Variants in RELN observed in about 807,000 individuals in gnomAD.
RELN encodes the protein reelin.
RELN carries 108 observed loss-of-function variants against 427.6 expected under a neutral mutation model. That is an observed-to-expected ratio of 0.25 (90% CI 0.22 to 0.30). The LOEUF (loss-of-function observed/expected upper bound fraction) is 0.30. Among genes scored for constraint, RELN ranks in the 10% least tolerant of loss-of-function variants. RELN has a pLI of 1.00. For synonymous variants in RELN, 1,524 were observed against 1,513.4 expected, an observed-to-expected ratio of 1.01 and a Z score of -0.16; for missense variants, 3,715 against 4,302.8, an observed-to-expected ratio of 0.86 and a Z score of 3.82.
chr7:103,584,198 A>T (rs2117227003), intron 28 of RELN, among the ~76,000 whole-genome samples: 1 of 152,350 alleles, frequency 6.6e-6, no homozygotes, highest in East Asian at 1.9e-4. Context: ...AACAAAAGGC[A>T]CAGAATTTCA....
In RELN at chr7:103,603,358, T is replaced by G. The variant is rs373092804; in HGVS notation, c.3279A>C (p.Lys1093Asn). 7 of 1,613,704 alleles carry G rather than the reference T, an allele frequency of 4.3e-6. No homozygotes were observed. Among genetic ancestry groups the G allele is most frequent in the Non-Finnish European group, 5.9e-6 (7 of 1,179,830 alleles). ...WQEVIGGEIVKPEQGCGVISS... is the reference protein window; with the variant it reads ...WQEVIGGEIVNPEQGCGVISS... Reference sequence around the variant, plus strand: ...AGATGACACCACACCCTTGTTCTGGTTTTACAATTTCTCCCCCAATAACTT... The same window carrying G: ...AGATGACACCACACCCTTGTTCTGGGTTTACAATTTCTCCCCCAATAACTT... The change falls in exon 24 of 65, where the codon AAA becomes AAC. Residue 1093 changes from lysine to asparagine, a missense_variant. By Grantham distance (94) the Lys-to-Asn change is moderately conservative. Transcript: ENST00000428762. This position sits in a 1 kb window ranked among gnomAD's most constrained non-coding sequence, Gnocchi z 4.3.
intron 36 of RELN, among the ~76,000 whole-genome samples, chr7:103,558,615 T>C (rs1167913854): frequency 6.6e-6 from 1 of 152,232 alleles, no homozygotes; most frequent in Non-Finnish European, 1.5e-5. Context: ...TAGGCATTCA[T>C]GCAGAGAAGT....
chr7:103,552,951 G>C lies in RELN; in HGVS notation c.6072+510C>G, dbSNP rs563446876. On this transcript the variant is annotated intron_variant, in intron 40 of 64. Coordinates refer to ENST00000428762, the MANE Select transcript of RELN (RefSeq NM_005045.4). Reference sequence around the variant, plus strand: ...TTTTGAAATATATAAATATTTTTATGTTAATTATTAATTTGCTCTCTTGAC... The same window carrying C: ...TTTTGAAATATATAAATATTTTTATCTTAATTATTAATTTGCTCTCTTGAC... 4.9e-4 allele frequency among the ~76,000 whole-genome samples: 74 copies of C among 152,082 alleles called. 1 individual carries two copies. The highest frequency in any genetic ancestry group is 1.8e-3 in the African/African-American group (73 of 41,500).
intron 2 of RELN, among the ~76,000 whole-genome samples, chr7:103,878,228 A>G (rs558620218): frequency 7.2e-5 from 11 of 152,138 alleles, no homozygotes; most frequent in African/African-American, 2.4e-4. Context: ...AGCATCCTTT[A>G]TGACTCAGCT....
intron 10 of RELN, among the ~76,000 whole-genome samples, chr7:103,688,113 C>T (rs960318439): frequency 6.6e-6 from 1 of 152,072 alleles, no homozygotes; most frequent in African/African-American, 2.4e-5. Flanking sequence ...AAGTGAAGAA[C>T]ATCCCAAGCA....
At chr7:103,499,329 A>AT (rs913274866) in intron 53 of RELN, among the ~76,000 whole-genome samples, 4 of 152,124 alleles carry the variant, frequency 2.6e-5, no homozygotes, top group African/African-American at 7.2e-5. Flanking sequence ...TCTTGGCTAC[A>AT]TTTTTTTGTA....
chr7:103,544,998 G>A lies in RELN; in HGVS notation c.6523+126C>T, dbSNP rs565409856. The stretch of plus-strand genomic sequence containing the variant: ...AAATTCAGAACTAAATGAATTCTTG[G>A]ATGTTCACAATTGAAATAATAATGA... On this transcript the variant is annotated intron_variant, in intron 42 of 64. Transcript: ENST00000428762. The A allele has an allele frequency of 1.8e-4, 142 of 771,738 alleles. 1 individual carries two copies. The South Asian group carries it at 2.1e-3, about 11-fold the overall frequency. The allele number at this position is 771,738 out of a possible 1,614,324, so 47.8% of individuals were successfully genotyped here.
At position 103,631,367 on chromosome 7, in the gene RELN, C is replaced by T. The variant is rs1324347019; in HGVS notation, c.2466-1191G>A. Among the ~76,000 whole-genome samples, 3 of 134,270 alleles carry T rather than the reference C, an allele frequency of 2.2e-5. No homozygotes were observed. In the Admixed American group the frequency reaches 2.6e-4, roughly 12 times the overall value. 88.1% of individuals were successfully genotyped at this position (134,270 alleles called of 152,430 possible). On this transcript the variant is annotated intron_variant, in intron 19 of 64. Coordinates refer to ENST00000428762, the MANE Select transcript of RELN (RefSeq NM_005045.4). ...GGAGTGCAATGGCACAATCTCAGCTCACTGCAACCTCTGCCTCCCAGGTTC... is the reference window on the plus strand; with the variant it reads ...GGAGTGCAATGGCACAATCTCAGCTTACTGCAACCTCTGCCTCCCAGGTTC...
At chr7:103,592,336 G>A (rs994885367) in intron 27 of RELN, among the ~76,000 whole-genome samples, 1 of 152,108 alleles carries the variant, frequency 6.6e-6, no homozygotes, top group Non-Finnish European at 1.5e-5. Flanking sequence ...ATGGCCTCCA[G>A]CTCCACTCAT....
chr7:103,907,764 GTT>G lies in RELN; in HGVS notation c.337+9309_337+9310del, dbSNP rs60768309. Among the ~76,000 whole-genome samples the G allele has an allele frequency of 1.7e-4, 25 of 150,334 alleles. No individual in the cohort carries two copies. The East Asian group carries it at 4.6e-3, about 27-fold the overall frequency. ...AACTGGATATGATGTCAGAAAGCCT[GTT>G]TTTTTTTCTTTTTTAAAAAAAAACT... On this transcript the variant is annotated intron_variant, in intron 2 of 64. Transcript: ENST00000428762.
chr7:103,660,632 A>G (rs1377383176), intron 12 of RELN, among the ~76,000 whole-genome samples: 1 of 152,226 alleles, frequency 6.6e-6, no homozygotes, highest in East Asian at 1.9e-4. Context: ...TAGTAAGTTC[A>G]AAGGTAGACA....
chr7:103,792,069 T>C (rs1207779877), intron 3 of RELN, among the ~76,000 whole-genome samples: 1 of 152,084 alleles, frequency 6.6e-6, no homozygotes, highest in Non-Finnish European at 1.5e-5. Context: ...CAATAATAAG[T>C]GTTGACAAGG....
At chr7:103,926,099 C>CTTTTTTTTTTTTTTTTTTTTTT in intron 1 of RELN, among the ~76,000 whole-genome samples, 1 of 90,074 alleles carries the variant, frequency 1.1e-5, no homozygotes, top group Non-Finnish European at 2.0e-5. Context: ...CCCACCCCGC[C>CTTTTTTTTTTTTTTTTTTTTTT]TTTTTTTTTT....
chr7:103,762,569 A>T (rs780430869), intron 4 of RELN, among the ~76,000 whole-genome samples: 28 of 152,334 alleles, frequency 1.8e-4, no homozygotes, highest in Non-Finnish European at 3.7e-4. Context: ...TATCTTGAAT[A>T]TCTCTGCATT....
intron 2 of RELN, among the ~76,000 whole-genome samples, chr7:103,869,589 G>A (rs1490356062): frequency 6.6e-6 from 1 of 152,056 alleles, no homozygotes; most frequent in Non-Finnish European, 1.5e-5. Flanking sequence ...GTGTCACCAA[G>A]TGTCCTGGCT....
chr7:103,943,570 G>A (rs1796158508), intron 1 of RELN, among the ~76,000 whole-genome samples: 1 of 152,066 alleles, frequency 6.6e-6, no homozygotes, highest in Non-Finnish European at 1.5e-5. Flanking sequence ...AAGTAATGAG[G>A]CCAGGCACGG....
intron 2 of RELN, among the ~76,000 whole-genome samples, chr7:103,886,764 T>C (rs560010919): frequency 1.3e-5 from 2 of 152,270 alleles, no homozygotes; most frequent in South Asian, 2.1e-4. Context: ...TAAGAATGTA[T>C]CTCATGGCCA....
At chr7:103,547,566 G>C (rs1830327833) in intron 41 of RELN, among the ~76,000 whole-genome samples, 1 of 152,186 alleles carries the variant, frequency 6.6e-6, no homozygotes, top group Admixed American at 6.5e-5. Context: ...CAAAGTGCTG[G>C]GATTACAGGC....
At chr7:103,789,842 C>G (rs368184367) in intron 3 of RELN, among the ~76,000 whole-genome samples, 2 of 152,234 alleles carry the variant, frequency 1.3e-5, no homozygotes, top group African/African-American at 4.8e-5. Flanking sequence ...GGTATATACC[C>G]AAAGAATTAT....
Sources: allele counts gnomAD v4.1 joint callset (sites outside exome capture counted in the v4.1 genomes callset), GRCh38; gene constraint gnomAD v4.1.1; non-coding constraint Gnocchi (gnomAD v3.1); transcripts MANE v1.5; gene names NCBI Gene and HGNC (gene_info 2026-07-23, HGNC 2026-07-21).